The following INSYN2B variants were observed in gnomAD, a reference collection of about 807,000 sequenced individuals.
INSYN2B encodes the protein protein INSYN2B.
A neutral mutation model predicts 41.2 loss-of-function variants in INSYN2B; 16 were observed. The observed-to-expected ratio is 0.39, with a 90% CI of 0.26 to 0.59. INSYN2B has a LOEUF of 0.59. Among genes scored for constraint, INSYN2B ranks in the 20% least tolerant of loss-of-function variants. INSYN2B has a pLI of 0.57. For synonymous variants in INSYN2B, 245 were observed against 244.4 expected, an observed-to-expected ratio of 1.00 and a Z score of -0.02; for missense variants, 608 against 646.4, an observed-to-expected ratio of 0.94 and a Z score of 0.64.
chr5:169,876,862 GTTA>G (rs1224665206), intron 3 of INSYN2B, among the ~76,000 whole-genome samples: 1 of 152,150 alleles, frequency 6.6e-6, no homozygotes, highest in African/African-American at 2.4e-5. Context: ...TCCTCTCCTA[GTTA>G]ATAGAGTCAT....
At position 169,875,437 on chromosome 5, in the gene INSYN2B, C is replaced by A. The variant is rs139951493; in HGVS notation, c.1421+5931G>T. On this transcript the variant is annotated intron_variant, in intron 3 of 3. Transcript: ENST00000377365. Reference sequence around the variant, plus strand: ...TGGCTGAGTGGAACTCAGTGACAATCGAACATTCCACTGAGACCTAATATC... The same window carrying A: ...TGGCTGAGTGGAACTCAGTGACAATAGAACATTCCACTGAGACCTAATATC... The A allele has an allele frequency of 2.6e-4, 99 of 384,698 alleles. 1 individual carries two copies. The highest frequency in any genetic ancestry group is 7.3e-4 in the Middle Eastern group (1 of 1,376). The allele number at this position is 384,698 out of a possible 1,614,324, so 23.8% of individuals were successfully genotyped here. A position where few individuals can be genotyped will look rare whatever the true frequency, so the allele number is the denominator to read the frequency against.
At chr5:169,954,695 CTTGTTG>C (rs963676229) in intron 1 of INSYN2B, among the ~76,000 whole-genome samples, 1 of 152,174 alleles carries the variant, frequency 6.6e-6, no homozygotes, top group Non-Finnish European at 1.5e-5. Flanking sequence ...CCCTTTCAAA[CTTGTTG>C]TTGTTGTTGT....
Position 169,933,164 on chromosome 5 carries a change from C to T in INSYN2B, c.-919+47113G>A, listed in dbSNP as rs554960913. Among the ~76,000 whole-genome samples, 28 of 152,302 alleles carry T rather than the reference C, an allele frequency of 1.8e-4. 1 individual carries two copies. In the South Asian group the frequency reaches 5.4e-3, roughly 29 times the overall value. On this transcript the variant is annotated intron_variant, in intron 1 of 3. Transcript: ENST00000377365. ...AGGGTGTAGAAACTAAATAATTCAC[C>T]TTTTGGTGTACCCTGAAAGAGAGAG...
intron 1 of INSYN2B, among the ~76,000 whole-genome samples, chr5:169,915,568 ACACAC>A (rs1276770113): frequency 7.0e-6 from 1 of 143,872 alleles, no homozygotes; most frequent in Non-Finnish European, 1.6e-5. Flanking sequence ...ACACACACAC[ACACAC>A]ACACACACAC....
At chr5:169,928,787 A>G (rs564720370) in intron 1 of INSYN2B, among the ~76,000 whole-genome samples, 12 of 152,372 alleles carry the variant, frequency 7.9e-5, no homozygotes, top group African/African-American at 2.6e-4. Context: ...CCACAGCCCA[A>G]TAATGCAGAT....
At chr5:169,881,200 T>A (rs575608822) in intron 3 of INSYN2B, among the ~76,000 whole-genome samples, 168 bp downstream of exon 3, 9 of 152,290 alleles carry the variant, frequency 5.9e-5, no homozygotes, top group Admixed American at 4.6e-4. Context: ...TAGACTTTGT[T>A]CTAAGGAAAC....
chr5:169,875,905 T>C (rs1334623810), intron 3 of INSYN2B: 1 of 152,316 alleles, frequency 6.6e-6, no homozygotes, highest in Admixed American at 6.5e-5. Context: ...TATGTCCCTT[T>C]GTTGAAATTA....
intron 1 of INSYN2B, among the ~76,000 whole-genome samples, chr5:169,967,161 T>A (rs907304006): frequency 2.0e-5 from 3 of 152,158 alleles, no homozygotes; most frequent in Admixed American, 2.0e-4. Flanking sequence ...TAAAGTGGGT[T>A]CCTGAAAACT....
At chr5:169,875,938 C>T (rs963751942) in intron 3 of INSYN2B, 5 of 152,232 alleles carry the variant, frequency 3.3e-5, no homozygotes, top group Non-Finnish European at 7.3e-5. Flanking sequence ...TGGCTTAAAA[C>T]AACATAGATT....
At chr5:169,888,959 T>C (rs1018552196) in intron 1 of INSYN2B, among the ~76,000 whole-genome samples, 6 of 152,190 alleles carry the variant, frequency 3.9e-5, no homozygotes, top group East Asian at 1.9e-4. Flanking sequence ...CTCTGTACTT[T>C]GTGTCTTTAG....
intron 1 of INSYN2B, among the ~76,000 whole-genome samples, chr5:169,952,148 G>A (rs914955615): frequency 9.9e-5 from 15 of 152,130 alleles, no homozygotes; most frequent in African/African-American, 3.6e-4. Flanking sequence ...AAAACAGAAA[G>A]GAGGAAAAAG....
intron 1 of INSYN2B, among the ~76,000 whole-genome samples, chr5:169,955,693 C>T (rs1776838115): frequency 1.3e-5 from 2 of 152,192 alleles, no homozygotes; most frequent in Non-Finnish European, 2.9e-5. Flanking sequence ...CACTATATAG[C>T]TGTGGAATTA....
Position 169,895,856 on chromosome 5 carries a change from T to G in INSYN2B, c.-918-11040A>C, listed in dbSNP as rs146354775. ...CTCACATAACGCAGTGCCTGGCACA[T>G]AATAGATATAGTAAGAATCAGCCAG... On this transcript the variant is annotated intron_variant, in intron 1 of 3. Coordinates refer to ENST00000377365, the MANE Select transcript of INSYN2B (RefSeq NM_001129891.3). 1.5e-4 allele frequency among the ~76,000 whole-genome samples: 23 copies of G among 152,332 alleles called. No individual in the cohort carries two copies. The East Asian group carries it at 4.2e-3, about 28-fold the overall frequency.
intron 1 of INSYN2B, among the ~76,000 whole-genome samples, chr5:169,934,183 C>T (rs13181166): frequency 0.24 from 36,258 of 151,992 alleles, 5,324 homozygotes; most frequent in East Asian, 0.43. Context: ...GGTACTGGGG[C>T]GGGGCTTATG....
chr5:169,905,964 A>C (rs1399532857), intron 1 of INSYN2B, among the ~76,000 whole-genome samples: 2 of 152,204 alleles, frequency 1.3e-5, no homozygotes, highest in African/African-American at 4.8e-5. Context: ...TCGTTCAGAA[A>C]GCCTCTATTC....
intron 3 of INSYN2B, among the ~76,000 whole-genome samples, chr5:169,864,916 G>A (rs926349386): frequency 1.3e-5 from 2 of 152,186 alleles, no homozygotes; most frequent in Non-Finnish European, 2.9e-5. Flanking sequence ...GAATTAATGT[G>A]TGTAAACTGA....
At chr5:169,903,355 G>A (rs905698065) in intron 1 of INSYN2B, among the ~76,000 whole-genome samples, 5 of 151,960 alleles carry the variant, frequency 3.3e-5, no homozygotes, top group African/African-American at 1.2e-4. Flanking sequence ...TAAGAGCAGG[G>A]TGGTAAATAC....
chr5:169,866,437 C>A (rs1330879557), intron 3 of INSYN2B, among the ~76,000 whole-genome samples: 1 of 152,228 alleles, frequency 6.6e-6, no homozygotes, highest in Non-Finnish European at 1.5e-5. Flanking sequence ...AGTGCCTACG[C>A]AAAGGACCTC....
chr5:169,958,452 T>G (rs545440380), intron 1 of INSYN2B, among the ~76,000 whole-genome samples: 39 of 152,248 alleles, frequency 2.6e-4, no homozygotes, highest in Non-Finnish European at 5.0e-4. Flanking sequence ...ATGTTCTGCT[T>G]GAAAAGCTGG....
Sources: gnomAD v4.1 joint callset for allele counts (sites outside exome capture counted in the v4.1 genomes callset) on GRCh38, gnomAD v4.1.1 for gene constraint, MANE v1.5 for transcripts, NCBI Gene and HGNC (gene_info 2026-07-23, HGNC 2026-07-21) for gene names.